Variants in GPC5 observed in about 807,000 individuals in gnomAD.
The protein encoded by GPC5 is glypican-5.
A neutral mutation model predicts 53.9 loss-of-function variants in GPC5; 47 were observed. The observed-to-expected ratio is 0.87, with a 90% CI of 0.69 to 1.11. The LOEUF (loss-of-function observed/expected upper bound fraction) is 1.11, where lower values mean the gene tolerates loss of function less well. Among genes scored for constraint, GPC5 ranks in the 50% most tolerant of loss-of-function variants. The pLI is 0.00. For missense variants in GPC5, 748 were observed against 713.1 expected (o/e 1.05, Z -0.56); for synonymous variants, 286 against 263.3 (o/e 1.09, Z -0.84).
chr13:91,520,610 T>C (rs1280073826), intron 2 of GPC5, among the ~76,000 whole-genome samples: 1 of 152,124 alleles, frequency 6.6e-6, no homozygotes, highest in Admixed American at 6.6e-5. Context: ...TGTCGCTTAC[T>C]AGAATCCCAT....
chr13:92,655,404 G>A (rs553817561), intron 7 of GPC5, among the ~76,000 whole-genome samples: 9 of 151,650 alleles, frequency 5.9e-5, no homozygotes, highest in Non-Finnish European at 8.8e-5. Context: ...GCACAATCTC[G>A]ACTCACTGCA....
At chr13:91,976,121 TGGG>T (rs951998558) in intron 6 of GPC5, among the ~76,000 whole-genome samples, 1 of 151,560 alleles carries the variant, frequency 6.6e-6, no homozygotes, top group Non-Finnish European at 1.5e-5. Context: ...GGGACTGTTA[TGGG>T]GTTGGGGGAG....
chr13:91,637,214 A>G (rs755843401), intron 2 of GPC5, among the ~76,000 whole-genome samples: 2 of 152,164 alleles, frequency 1.3e-5, no homozygotes, highest in Non-Finnish European at 1.5e-5. Context: ...GGAATGAAGG[A>G]GAATATAAGA....
At position 92,110,685 on chromosome 13, in the gene GPC5, A is replaced by G. The variant is rs188505100; in HGVS notation, c.1402-34145A>G. Among the ~76,000 whole-genome samples, 4 of 152,326 alleles carry G rather than the reference A, an allele frequency of 2.6e-5. No individual in the cohort carries two copies. In the East Asian group the frequency reaches 5.8e-4, roughly 22 times the overall value. ...AATAGTAGTCTCATTTTAGTTCTCTAAGGCTACAGGGATAATTGAAGGATA... is the reference window on the plus strand; with the variant it reads ...AATAGTAGTCTCATTTTAGTTCTCTGAGGCTACAGGGATAATTGAAGGATA... On this transcript the variant is annotated intron_variant, in intron 6 of 7. Coordinates refer to ENST00000377067, the MANE Select transcript of GPC5 (RefSeq NM_004466.6).
chr13:92,845,063 G>A (rs955900427), intron 7 of GPC5, among the ~76,000 whole-genome samples: 1 of 151,778 alleles, frequency 6.6e-6, no homozygotes, highest in Non-Finnish European at 1.5e-5. Context: ...TGAAATAATC[G>A]TTCTATGACC....
At chr13:91,976,290 A>G (rs139135554) in intron 6 of GPC5, among the ~76,000 whole-genome samples, 1 of 152,156 alleles carries the variant, frequency 6.6e-6, no homozygotes. Flanking sequence ...AAGAAAATTT[A>G]AAAAAATAGT....
chr13:92,717,995 A>G (rs1888386301), intron 7 of GPC5, among the ~76,000 whole-genome samples: 1 of 151,682 alleles, frequency 6.6e-6, no homozygotes, highest in Admixed American at 6.6e-5. Flanking sequence ...TAAAACTACA[A>G]TGAGATATCA....
intron 6 of GPC5, among the ~76,000 whole-genome samples, chr13:92,007,132 T>C (rs560282556): frequency 1.3e-4 from 20 of 152,128 alleles, no homozygotes; most frequent in Non-Finnish European, 2.8e-4. Context: ...CCAGGGAAAA[T>C]ATTCTTAGCT....
Position 92,268,600 on chromosome 13 carries a change from G to A in GPC5, c.1561+123611G>A, listed in dbSNP as rs532576763. Among the ~76,000 whole-genome samples, 121 of 151,126 alleles carry A rather than the reference G, an allele frequency of 8.0e-4. 1 individual carries two copies. In the South Asian group the frequency reaches 0.011, roughly 14 times the overall value. On this transcript the variant is annotated intron_variant, in intron 7 of 7. Coordinates refer to ENST00000377067, the MANE Select transcript of GPC5 (RefSeq NM_004466.6). ...ATCTTTTTTTTTTGCTATTATACAC[G>A]CTCATAAAAAACTTTGTTCATTTAT...
chr13:92,180,255 C>A (rs1189074653), intron 7 of GPC5, among the ~76,000 whole-genome samples: 1 of 152,144 alleles, frequency 6.6e-6, no homozygotes, highest in Non-Finnish European at 1.5e-5. Flanking sequence ...TTTAAATTAG[C>A]TTTTTAATTT....
At chr13:91,475,829 C>G (rs73602308) in intron 2 of GPC5, among the ~76,000 whole-genome samples, 2,852 of 152,208 alleles carry the variant, frequency 0.019, 87 homozygotes, top group African/African-American at 0.064. Flanking sequence ...TTTGATTGGT[C>G]AAAGCACATT....
chr13:92,173,226 A>T (rs1391463128), intron 7 of GPC5, among the ~76,000 whole-genome samples: 1 of 151,994 alleles, frequency 6.6e-6, no homozygotes, highest in Non-Finnish European at 1.5e-5. Context: ...CACATTAAAA[A>T]CAGAGATCGG....
chr13:92,129,142 A>G (rs1213199797), intron 6 of GPC5, among the ~76,000 whole-genome samples: 2 of 152,198 alleles, frequency 1.3e-5, no homozygotes, highest in Non-Finnish European at 2.9e-5. Flanking sequence ...TACCCCTGAA[A>G]TTTAATCTCC....
At chr13:92,363,058 C>G (rs1045825203) in intron 7 of GPC5, among the ~76,000 whole-genome samples, 1 of 151,602 alleles carries the variant, frequency 6.6e-6, no homozygotes, top group Non-Finnish European at 1.5e-5. Flanking sequence ...ACCAGAGAGG[C>G]AGGAGTTTCA....
At chr13:92,638,043 G>T (rs1885467668) in intron 7 of GPC5, among the ~76,000 whole-genome samples, 1 of 152,034 alleles carries the variant, frequency 6.6e-6, no homozygotes, top group Admixed American at 6.6e-5. Context: ...ACAATAGAAA[G>T]CAACTGAAAT....
At chr13:92,828,933 C>T (rs1353016608) in intron 7 of GPC5, among the ~76,000 whole-genome samples, 4 of 152,118 alleles carry the variant, frequency 2.6e-5, no homozygotes, top group Admixed American at 6.6e-5. Flanking sequence ...GCTTAGACTT[C>T]GCCACCACGC....
rs1566446337 is a variant in GPC5, at chr13:92,125,923, G to GTTTTTTTTTTT, written c.1402-18907_1402-18906insTTTTTTTTTTT. ...ATTAGAAAGGAAACATTTGTTTTTT[G>GTTTTTTTTTTT]GTTTTTTTTTTTTTTTTTTTTTTTT... On this transcript the variant is annotated intron_variant, in intron 6 of 7. Transcript: ENST00000377067. Among the ~76,000 whole-genome samples the GTTTTTTTTTTT allele has an allele frequency of 1.2e-4, 5 of 41,536 alleles. 1 individual carries two copies. The highest frequency in any genetic ancestry group is 2.0e-4 in the Non-Finnish European group (4 of 20,260). The allele number at this position is 41,536 out of a possible 152,430, so 27.2% of individuals were successfully genotyped here.
chr13:91,545,337 T>C (rs1053560747), intron 2 of GPC5, among the ~76,000 whole-genome samples: 12 of 152,184 alleles, frequency 7.9e-5, no homozygotes, highest in African/African-American at 2.9e-4. Context: ...ATGTAATGCT[T>C]TTGGATGTGG....
At chr13:91,529,793 T>C (rs1886254301) in intron 2 of GPC5, among the ~76,000 whole-genome samples, 1 of 152,184 alleles carries the variant, frequency 6.6e-6, no homozygotes, top group Non-Finnish European at 1.5e-5. Flanking sequence ...CCTGGGAGCA[T>C]TAGGCTGTGG....
Sources: allele counts gnomAD v4.1 joint callset (sites outside exome capture counted in the v4.1 genomes callset), GRCh38; gene constraint gnomAD v4.1.1; transcripts MANE v1.5; gene names NCBI Gene and HGNC (gene_info 2026-07-23, HGNC 2026-07-21).